CHIC2: variants seen among roughly 807,000 people sequenced by gnomAD.
The protein encoded by CHIC2 is cysteine rich hydrophobic domain 2.
CHIC2 carries 14 observed loss-of-function variants against 25.9 expected under a neutral mutation model. The ratio of observed to expected loss-of-function variants is 0.54; its 90% confidence interval spans 0.36 to 0.85. CHIC2 has a LOEUF of 0.85. Among genes scored for constraint, CHIC2 ranks in the 40% least tolerant of loss-of-function variants. The pLI is 0.01. For missense variants in CHIC2, 146 were observed against 202.0 expected (o/e 0.72, Z 1.68); for synonymous variants, 70 against 72.0 (o/e 0.97, Z 0.14).
chr4:54,070,402 T>TTATG, the CHIC2 span, among the ~76,000 whole-genome samples: 32 of 87,580 alleles, frequency 3.7e-4, no homozygotes, highest in African/African-American at 9.8e-4. Context: ...ATTTATTTAT[T>TTATG]TATTTATGTA....
chr4:54,050,807 T>G (rs1487314564), intron 1 of CHIC2, among the ~76,000 whole-genome samples: 1 of 152,116 alleles, frequency 6.6e-6, no homozygotes, highest in Non-Finnish European at 1.5e-5. Context: ...CTGTGATGTC[T>G]GCACAATGAT....
chr4:54,038,118 T>C (rs897947590), intron 3 of CHIC2, among the ~76,000 whole-genome samples: 1 of 152,096 alleles, frequency 6.6e-6, no homozygotes, highest in Non-Finnish European at 1.5e-5. Flanking sequence ...CAGCATTTTA[T>C]TAGAACTCCT....
At chr4:54,083,867 G>C in the CHIC2 span, among the ~76,000 whole-genome samples, 1 of 152,000 alleles carries the variant, frequency 6.6e-6, no homozygotes, top group Non-Finnish European at 1.5e-5. Flanking sequence ...TTCTTCACCT[G>C]CCACTCACAC....
intron 3 of CHIC2, among the ~76,000 whole-genome samples, chr4:54,028,019 T>G (rs1716115546): frequency 6.6e-6 from 1 of 152,202 alleles, no homozygotes; most frequent in Non-Finnish European, 1.5e-5. Flanking sequence ...CTATACCCAC[T>G]TTACCTGCTT....
intron 3 of CHIC2, among the ~76,000 whole-genome samples, chr4:54,016,655 T>G (rs895279235): frequency 6.6e-6 from 1 of 152,122 alleles, no homozygotes; most frequent in East Asian, 1.9e-4. Flanking sequence ...ATAAGACTTC[T>G]TTCCTGCTTG....
At chr4:54,053,328 A>G (rs1205520354) in intron 1 of CHIC2, among the ~76,000 whole-genome samples, 1 of 152,172 alleles carries the variant, frequency 6.6e-6, no homozygotes, top group Admixed American at 6.5e-5. Flanking sequence ...AGGCCAAGGC[A>G]GGTGGATCAC....
chr4:54,043,653 G>A (rs1249528134), intron 3 of CHIC2, among the ~76,000 whole-genome samples: 1 of 152,070 alleles, frequency 6.6e-6, no homozygotes, highest in Non-Finnish European at 1.5e-5. Context: ...CCCGAAGGAA[G>A]CACTAAACAT....
intron 5 of CHIC2, among the ~76,000 whole-genome samples, chr4:54,012,466 T>C (rs1193227961): frequency 3.3e-5 from 5 of 152,170 alleles, no homozygotes; most frequent in Non-Finnish European, 7.4e-5. Flanking sequence ...CTGGAATTCA[T>C]AGCATTGGGA....
chr4:54,080,707 G>C, the CHIC2 span, among the ~76,000 whole-genome samples: 1 of 148,516 alleles, frequency 6.7e-6, no homozygotes, highest in African/African-American at 2.5e-5. Flanking sequence ...TGGAGGCCGA[G>C]ATCGCACCAC....
rs36034143 is a variant in CHIC2 at position 54,058,559 on chromosome 4, T to TACACAC, written c.119+5617_119+5622dup. 1.8e-3 allele frequency among the ~76,000 whole-genome samples: 254 copies of TACACAC among 138,552 alleles called. 2 individuals carry two copies. Among genetic ancestry groups the TACACAC allele is most frequent in the South Asian group, 8.1e-3 (34 of 4,172 alleles). The allele number at this position is 138,552 out of a possible 152,430, so 90.9% of individuals were successfully genotyped here. A position where few individuals can be genotyped will look rare whatever the true frequency, so the allele number is the denominator to read the frequency against. On this transcript the variant is annotated intron_variant, in intron 1 of 5. Coordinates refer to ENST00000263921, the MANE Select transcript of CHIC2 (RefSeq NM_012110.4). Reference sequence around the variant, plus strand: ...AGTCACATACACACATACACACACATACACACACACACACACACACACACA... The same window carrying TACACAC: ...AGTCACATACACACATACACACACATACACACACACACACACACACACACACACACA...
chr4:54,089,396 T>TAGTG, the CHIC2 span, among the ~76,000 whole-genome samples: 1 of 141,388 alleles, frequency 7.1e-6, no homozygotes, highest in South Asian at 2.2e-4. Flanking sequence ...ACATTCCATA[T>TAGTG]ATATATATAT....
intron 3 of CHIC2, among the ~76,000 whole-genome samples, chr4:54,043,148 G>T (rs1034090394): frequency 6.6e-6 from 1 of 152,102 alleles, no homozygotes; most frequent in African/African-American, 2.4e-5. Context: ...TCGGCCAGGC[G>T]CGGTGGCTCA....
intron 3 of CHIC2, among the ~76,000 whole-genome samples, chr4:54,043,894 G>A (rs1476411591): frequency 6.6e-6 from 1 of 152,162 alleles, no homozygotes; most frequent in Non-Finnish European, 1.5e-5. Context: ...TCAGTGTGCT[G>A]TATTCAGGAA....
chr4:54,043,833 G>A (rs890537325), intron 3 of CHIC2, among the ~76,000 whole-genome samples: 2 of 152,140 alleles, frequency 1.3e-5, no homozygotes. Flanking sequence ...TGGGCTAAAT[G>A]CTCCAATTAA....
the CHIC2 span, chr4:54,087,434 G>A: frequency 4.1e-5 from 25 of 616,306 alleles, no homozygotes; most frequent in African/African-American, 1.7e-4. Flanking sequence ...GCAGGGAAAC[G>A]TCGATAATAA....
intron 3 of CHIC2, among the ~76,000 whole-genome samples, chr4:54,027,911 T>G (rs2110068772): frequency 6.6e-6 from 1 of 152,308 alleles, no homozygotes; most frequent in South Asian, 2.1e-4. Flanking sequence ...TTTTCATTTG[T>G]TTTTATAAAA....
At chr4:54,076,993 T>G in the CHIC2 span, 4 of 152,126 alleles carry the variant, frequency 2.6e-5, no homozygotes, top group African/African-American at 9.7e-5. Context: ...AAAAAGAAAC[T>G]GAGGAAACTG....
Position 54,050,651 on chromosome 4 carries a change from A to C in CHIC2, c.120-1346T>G, listed in dbSNP as rs187752231. ...CTGTACCTTTTCTATGTTTAGATAC[A>C]CAAAAACTTACCACTGTGTTATAAC... On this transcript the variant is annotated intron_variant, in intron 1 of 5. Transcript: ENST00000263921. Among the ~76,000 whole-genome samples the C allele has an allele frequency of 3.9e-5, 6 of 152,276 alleles. No individual in the cohort carries two copies. In the East Asian group the frequency reaches 9.6e-4, roughly 24 times the overall value.
intron 3 of CHIC2, among the ~76,000 whole-genome samples, chr4:54,030,669 T>C (rs1317463709): frequency 6.8e-6 from 1 of 146,198 alleles, no homozygotes; most frequent in South Asian, 2.1e-4. Flanking sequence ...AATGCTAATT[T>C]TTTTTTTTTT....
Sources: gnomAD v4.1 joint callset for allele counts (sites outside exome capture counted in the v4.1 genomes callset) on GRCh38, gnomAD v4.1.1 for gene constraint, MANE v1.5 for transcripts, NCBI Gene and HGNC (gene_info 2026-07-23, HGNC 2026-07-21) for gene names.